Variants in NKAIN3 observed in about 807,000 individuals in gnomAD.
NKAIN3 encodes sodium/potassium transporting ATPase interacting 3.
NKAIN3 carries 25 observed loss-of-function variants against 30.2 expected under a neutral mutation model. That is an observed-to-expected ratio of 0.83 (90% CI 0.60 to 1.16). The LOEUF (loss-of-function observed/expected upper bound fraction) is 1.16, where lower values mean the gene tolerates loss of function less well. Ranked by LOEUF, NKAIN3 falls within the 50% of genes most tolerant of loss-of-function variation. The probability of loss-of-function intolerance (pLI) is 0.00; values close to 1 mark genes in which losing one functional copy is unlikely to be tolerated. For synonymous variants in NKAIN3, 91 were observed against 89.6 expected, an observed-to-expected ratio of 1.02 and a Z score of -0.09; for missense variants, 225 against 254.1, an observed-to-expected ratio of 0.89 and a Z score of 0.78.
At position 62,660,827 on chromosome 8, in the gene NKAIN3, G is replaced by A. The variant is rs571021492; in HGVS notation, c.273+71033G>A. Among the ~76,000 whole-genome samples the A allele has an allele frequency of 9.8e-5, 15 of 152,318 alleles. 1 individual carries two copies. In the South Asian group the frequency reaches 2.9e-3, roughly 29 times the overall value. ...TCCACATACCTCAGCCAAAGGAGAT[G>A]TCTGGGAGACAGAATGTGAGCAGCT... On this transcript the variant is annotated intron_variant, in intron 3 of 6. Transcript: ENST00000623646.
In NKAIN3 at chr8:62,856,602, T is replaced by C. The variant is rs963693456; in HGVS notation, c.472-61851T>C. The C allele has an allele frequency of 6.4e-6, 5 of 779,252 alleles. No homozygotes were observed. In the African/African-American group the frequency reaches 6.8e-5, roughly 11 times the overall value. 48.3% of individuals were successfully genotyped at this position (779,252 alleles called of 1,614,324 possible). On this transcript the variant is annotated intron_variant, in intron 4 of 6. Transcript: ENST00000623646. ...TTCATTGGTGAACAGCATGATCTTG[T>C]TATGACTCATCATGAACTGGACATC...
chr8:62,399,528 GAGAA>G (rs1817870785), intron 1 of NKAIN3, among the ~76,000 whole-genome samples: 1 of 152,094 alleles, frequency 6.6e-6, no homozygotes, highest in Admixed American at 6.6e-5. Flanking sequence ...GAGAGAGAGA[GAGAA>G]AGAAATACAT....
chr8:62,460,233 G>A (rs968638734), intron 1 of NKAIN3, among the ~76,000 whole-genome samples: 47 of 151,944 alleles, frequency 3.1e-4, no homozygotes, highest in Non-Finnish European at 6.2e-4. Flanking sequence ...CTAACATGGC[G>A]AAACCCCGTC....
chr8:62,897,588 G>A (rs1427631925), intron 4 of NKAIN3, among the ~76,000 whole-genome samples: 1 of 152,128 alleles, frequency 6.6e-6, no homozygotes, highest in Admixed American at 6.5e-5. Flanking sequence ...AGTGTGCTAT[G>A]ATCCAAGGTG....
chr8:62,649,723 G>A (rs780116071), intron 3 of NKAIN3, among the ~76,000 whole-genome samples: 31 of 152,084 alleles, frequency 2.0e-4, no homozygotes, highest in Non-Finnish European at 3.2e-4. Flanking sequence ...GGAGGAAAAT[G>A]AACTAAATGT....
At chr8:62,434,920 A>G (rs1214424637) in intron 1 of NKAIN3, among the ~76,000 whole-genome samples, 2 of 152,140 alleles carry the variant, frequency 1.3e-5, no homozygotes, top group African/African-American at 4.8e-5. Context: ...CAGAACATCT[A>G]TTATGCTGAA....
chr8:62,753,890 T>G (rs115506561), intron 4 of NKAIN3, among the ~76,000 whole-genome samples: 1,549 of 152,210 alleles, frequency 0.01, 27 homozygotes, highest in African/African-American at 0.034. Flanking sequence ...GGTATAACAA[T>G]TTATAGTACA....
At chr8:62,939,250 G>C (rs562599469) in intron 5 of NKAIN3, among the ~76,000 whole-genome samples, 1 of 152,152 alleles carries the variant, frequency 6.6e-6, no homozygotes, top group African/African-American at 2.4e-5. Context: ...CGAAGTTTGG[G>C]ATTATGTTAA....
chr8:62,289,717 G>A (rs1304909058), intron 1 of NKAIN3, among the ~76,000 whole-genome samples: 1 of 152,116 alleles, frequency 6.6e-6, no homozygotes, highest in Admixed American at 6.6e-5. Flanking sequence ...GATTGTCTTG[G>A]CAATGTGGGC....
At chr8:62,398,542 G>GAA (rs1330622275) in intron 1 of NKAIN3, among the ~76,000 whole-genome samples, 1 of 152,224 alleles carries the variant, frequency 6.6e-6, no homozygotes, top group Non-Finnish European at 1.5e-5. Flanking sequence ...TGGCATGACT[G>GAA]AAAGTACATG....
At chr8:62,599,849 G>T (rs1810939957) in intron 3 of NKAIN3, among the ~76,000 whole-genome samples, 1 of 152,022 alleles carries the variant, frequency 6.6e-6, no homozygotes, top group Non-Finnish European at 1.5e-5. Context: ...ATCTTTGGAA[G>T]TCTCCAAGGC....
At chr8:62,370,673 A>T (rs1255953868) in intron 1 of NKAIN3, among the ~76,000 whole-genome samples, 11 of 152,000 alleles carry the variant, frequency 7.2e-5, no homozygotes, top group Admixed American at 7.2e-4. Flanking sequence ...TTTTATCAAG[A>T]ATGAAACAGC....
At chr8:62,901,372 A>C (rs1421009699) in intron 4 of NKAIN3, among the ~76,000 whole-genome samples, 1 of 152,180 alleles carries the variant, frequency 6.6e-6, no homozygotes, top group African/African-American at 2.4e-5. Flanking sequence ...TGGGAAGCTG[A>C]GGCAGGAGGG....
chr8:62,539,763 T>G (rs577296750), intron 1 of NKAIN3, among the ~76,000 whole-genome samples: 1 of 152,276 alleles, frequency 6.6e-6, no homozygotes, highest in South Asian at 2.1e-4. Context: ...CTAATTTTAG[T>G]AGAGACAAGG....
intron 1 of NKAIN3, among the ~76,000 whole-genome samples, chr8:62,455,971 A>T (rs1156573083): frequency 2.0e-5 from 3 of 152,200 alleles, no homozygotes; most frequent in Non-Finnish European, 4.4e-5. Flanking sequence ...CATGGCTACT[A>T]TGTGGAAAAC....
chr8:62,723,485 G>A (rs565126804), intron 3 of NKAIN3, among the ~76,000 whole-genome samples: 10 of 152,156 alleles, frequency 6.6e-5, no homozygotes, highest in East Asian at 1.9e-4. Flanking sequence ...GGAAAACATC[G>A]TAATCAAATA....
chr8:62,853,458 T>C (rs1819971298), intron 4 of NKAIN3, among the ~76,000 whole-genome samples: 3 of 151,996 alleles, frequency 2.0e-5, no homozygotes, highest in Admixed American at 2.0e-4. Flanking sequence ...ATTTAGAATG[T>C]ATCCATTTCT....
chr8:62,993,495 G>A (rs1046532801), intron 5 of NKAIN3, among the ~76,000 whole-genome samples: 6 of 152,102 alleles, frequency 3.9e-5, no homozygotes, highest in African/African-American at 1.4e-4. Context: ...TGTAAACCTG[G>A]AGAGTAAATA....
At chr8:62,604,027 C>G (rs1353818251) in intron 3 of NKAIN3, among the ~76,000 whole-genome samples, 1 of 152,052 alleles carries the variant, frequency 6.6e-6, no homozygotes, top group Non-Finnish European at 1.5e-5. Context: ...CAGTGTCTGC[C>G]GCACAGCAGG....
Sources: allele counts gnomAD v4.1 joint callset (sites outside exome capture counted in the v4.1 genomes callset), GRCh38; gene constraint gnomAD v4.1.1; transcripts MANE v1.5; gene names NCBI Gene and HGNC (gene_info 2026-07-23, HGNC 2026-07-21).